Variants in UNC5D observed in about 807,000 individuals in gnomAD.
The protein encoded by UNC5D is netrin receptor UNC5D.
In UNC5D, 39 loss-of-function variants were observed where a neutral mutation model predicts 105.4. The observed-to-expected ratio is 0.37, with a 90% CI of 0.29 to 0.48. The LOEUF is 0.48. UNC5D is among the 20% of genes least tolerant of loss of function. The pLI, the probability that UNC5D is intolerant of heterozygous loss-of-function variation, is 0.98. For synonymous variants in UNC5D, 452 were observed against 450.4 expected (o/e 1.00, Z -0.04); for missense variants, 991 against 1,202.4 (o/e 0.82, Z 2.60).
intron 1 of UNC5D, among the ~76,000 whole-genome samples, chr8:35,300,962 T>C (rs192849750): frequency 2.9e-4 from 44 of 152,320 alleles, no homozygotes; most frequent in Non-Finnish European, 5.1e-4. Flanking sequence ...GGAATACAGA[T>C]GTGTGTGTAT....
intron 1 of UNC5D, among the ~76,000 whole-genome samples, chr8:35,332,233 G>A (rs190737013): frequency 6.6e-6 from 1 of 152,276 alleles, no homozygotes; most frequent in East Asian, 1.9e-4. Context: ...TTTGATATAG[G>A]TTGAGCTTTC....
At chr8:35,413,273 G>A (rs1360791649) in intron 1 of UNC5D, among the ~76,000 whole-genome samples, 1 of 19,948 alleles carries the variant, frequency 5.0e-5, no homozygotes, top group Admixed American at 8.7e-4. Flanking sequence ...GTGTGTGTGT[G>A]TGTGTGTGTG....
At chr8:35,631,082 T>C (rs1033467488) in intron 4 of UNC5D, among the ~76,000 whole-genome samples, 5 of 152,262 alleles carry the variant, frequency 3.3e-5, no homozygotes, top group African/African-American at 1.2e-4. Context: ...GGAGGCCAAA[T>C]AGGGCAGATT....
At chr8:35,271,633 AT>A (rs1805348074) in intron 1 of UNC5D, among the ~76,000 whole-genome samples, 2 of 144,226 alleles carry the variant, frequency 1.4e-5, no homozygotes, top group East Asian at 2.1e-4. Flanking sequence ...TGTAACATAT[AT>A]TATGTATACC....
chr8:35,597,531 G>A (rs73571710), intron 4 of UNC5D, among the ~76,000 whole-genome samples: 5,872 of 152,180 alleles, frequency 0.039, 419 homozygotes, highest in African/African-American at 0.13. Context: ...GCATAAAAAT[G>A]TCTAGGCTCT....
chr8:35,719,630 G>T (rs112147405), intron 8 of UNC5D, among the ~76,000 whole-genome samples: 20 of 152,270 alleles, frequency 1.3e-4, no homozygotes, highest in African/African-American at 4.8e-4. Context: ...GAGAATAGGA[G>T]CCACGTGTTA....
intron 1 of UNC5D, among the ~76,000 whole-genome samples, chr8:35,333,807 G>A (rs905428623): frequency 2.6e-5 from 4 of 152,096 alleles, no homozygotes; most frequent in African/African-American, 9.7e-5. Flanking sequence ...TGATTTGAGG[G>A]TAAATCTGTT....
chr8:35,641,715 T>A (rs891784857), intron 4 of UNC5D, among the ~76,000 whole-genome samples: 2 of 152,152 alleles, frequency 1.3e-5, no homozygotes. Context: ...ACAGGACCTG[T>A]GCAAAAATAC....
At chr8:35,284,972 A>G (rs952869990) in intron 1 of UNC5D, among the ~76,000 whole-genome samples, 3 of 151,938 alleles carry the variant, frequency 2.0e-5, no homozygotes, top group Admixed American at 2.0e-4. Flanking sequence ...TTTTTTTCCT[A>G]TTTGATACCT....
intron 1 of UNC5D, among the ~76,000 whole-genome samples, chr8:35,354,962 G>C (rs1255216939): frequency 2.0e-5 from 3 of 152,068 alleles, no homozygotes; most frequent in Non-Finnish European, 4.4e-5. Flanking sequence ...GTGCTATCAG[G>C]GTAGTCATGC....
rs555323049 is a variant in UNC5D, at chr8:35,359,034, C to T, written c.103+123147C>T. Reference sequence around the variant, plus strand: ...GGCCTGGTGGCTCACACCTGTCGTCCCATGTACTCAGGAGGCTGAGGCAGG... The same window carrying T: ...GGCCTGGTGGCTCACACCTGTCGTCTCATGTACTCAGGAGGCTGAGGCAGG... On this transcript the variant is annotated intron_variant, in intron 1 of 16. Transcript: ENST00000404895. Among the ~76,000 whole-genome samples the T allele has an allele frequency of 2.6e-5, 4 of 152,190 alleles. No homozygotes were observed. In the South Asian group the frequency reaches 8.3e-4, roughly 32 times the overall value.
At chr8:35,269,986 G>C (rs1171163249) in intron 1 of UNC5D, among the ~76,000 whole-genome samples, 1 of 152,062 alleles carries the variant, frequency 6.6e-6, no homozygotes, top group Admixed American at 6.6e-5. Flanking sequence ...CACAGAGTAG[G>C]GTTTTACTGT....
At chr8:35,728,823 A>G (rs1169749347) in intron 10 of UNC5D, among the ~76,000 whole-genome samples, 1 of 152,220 alleles carries the variant, frequency 6.6e-6, no homozygotes, top group East Asian at 1.9e-4. Context: ...GTCATATCAA[A>G]TAAAAGGCTG....
chr8:35,464,482 G>T (rs748843232), intron 1 of UNC5D, among the ~76,000 whole-genome samples: 8 of 152,170 alleles, frequency 5.3e-5, no homozygotes, highest in Non-Finnish European at 1.0e-4. Flanking sequence ...TGAGTGCCCA[G>T]GTTATTTGTA....
At chr8:35,630,175 AACTTT>A (rs1428684935) in intron 4 of UNC5D, among the ~76,000 whole-genome samples, 3 of 152,206 alleles carry the variant, frequency 2.0e-5, no homozygotes, top group African/African-American at 4.8e-5. Context: ...TTTTATACCG[AACTTT>A]ACTTCTTGTA....
chr8:35,760,207 T>G (rs1441909017), intron 14 of UNC5D, among the ~76,000 whole-genome samples: 1 of 151,916 alleles, frequency 6.6e-6, no homozygotes, highest in Non-Finnish European at 1.5e-5. Flanking sequence ...CATGCCCAGC[T>G]AATTTTTCTA....
chr8:35,765,840 T>A (rs958522473), intron 14 of UNC5D, among the ~76,000 whole-genome samples: 1 of 152,140 alleles, frequency 6.6e-6, no homozygotes, highest in Non-Finnish European at 1.5e-5. Context: ...GTTCTAGTAT[T>A]GCAGAAAATT....
At position 35,721,526 on chromosome 8, in the gene UNC5D, A is replaced by T; in HGVS notation, c.1118-684A>T. 3 of 702,908 alleles carry T rather than the reference A, an allele frequency of 4.3e-6. No individual in the cohort carries two copies. In the South Asian group the frequency reaches 4.4e-5, roughly 10 times the overall value. The allele number at this position is 702,908 out of a possible 1,614,324, so 43.5% of individuals were successfully genotyped here. A position where few individuals can be genotyped will look rare whatever the true frequency, so the allele number is the denominator to read the frequency against. Reference sequence around the variant, plus strand: ...AACCCGTCCTCTTCCACAATAAATTATTAGAGTCTAGCATTTAATTGGTGT... The same window carrying T: ...AACCCGTCCTCTTCCACAATAAATTTTTAGAGTCTAGCATTTAATTGGTGT... On this transcript the variant is annotated intron_variant, in intron 8 of 16. Transcript: ENST00000404895.
intron 1 of UNC5D, among the ~76,000 whole-genome samples, chr8:35,457,270 G>C (rs775915135): frequency 7.2e-5 from 11 of 152,020 alleles, no homozygotes; most frequent in Non-Finnish European, 5.9e-5. Flanking sequence ...AAGATTCTTT[G>C]GTGTCATGAT....
Sources: allele counts gnomAD v4.1 joint callset (sites outside exome capture counted in the v4.1 genomes callset), GRCh38; gene constraint gnomAD v4.1.1; transcripts MANE v1.5; gene names NCBI Gene and HGNC (gene_info 2026-07-23, HGNC 2026-07-21).